Variants in ELOVL5 observed in about 807,000 individuals in gnomAD.
The protein encoded by ELOVL5 is very long chain fatty acid elongase 5.
In ELOVL5, 8 loss-of-function variants were observed where a neutral mutation model predicts 38.6. The observed-to-expected ratio is 0.21, with a 90% CI of 0.12 to 0.37. The LOEUF is 0.37. Among genes scored for constraint, ELOVL5 ranks in the 10% least tolerant of loss-of-function variants. ELOVL5 has a pLI of 1.00. For missense variants in ELOVL5, 280 were observed against 367.8 expected (o/e 0.76, Z 1.95); for synonymous variants, 127 against 133.7 (o/e 0.95, Z 0.34).
chr6:53,312,369 A>G (rs1028193464), intron 1 of ELOVL5, among the ~76,000 whole-genome samples: 3 of 152,252 alleles, frequency 2.0e-5, no homozygotes, highest in African/African-American at 7.2e-5. Context: ...TCAGCAATAA[A>G]GAACAAACCT....
chr6:53,326,715 T>C (rs1469281040), intron 1 of ELOVL5, among the ~76,000 whole-genome samples: 3 of 152,220 alleles, frequency 2.0e-5, no homozygotes, highest in East Asian at 3.8e-4. Flanking sequence ...AGGCGTTATG[T>C]ATCTGTGGGA....
At chr6:53,311,407 G>A (rs1300099828) in intron 1 of ELOVL5, among the ~76,000 whole-genome samples, 1 of 152,154 alleles carries the variant, frequency 6.6e-6, no homozygotes, top group Non-Finnish European at 1.5e-5. Context: ...TACATCTGCT[G>A]TGGAAAATAG....
intron 2 of ELOVL5, among the ~76,000 whole-genome samples, chr6:53,293,111 G>C (rs1766838804): frequency 6.6e-6 from 1 of 152,024 alleles, no homozygotes. Flanking sequence ...TACTCTGGCT[G>C]ACCCCAGGAA....
At chr6:53,317,582 GGAACT>G (rs1441174633) in intron 1 of ELOVL5, among the ~76,000 whole-genome samples, 1 of 152,102 alleles carries the variant, frequency 6.6e-6, no homozygotes, top group Non-Finnish European at 1.5e-5. Context: ...CTCATGGGTG[GGAACT>G]GAACAATGAG....
intron 1 of ELOVL5, among the ~76,000 whole-genome samples, chr6:53,318,603 G>A (rs1385210273): frequency 1.3e-5 from 2 of 152,082 alleles, no homozygotes; most frequent in Non-Finnish European, 2.9e-5. Context: ...AGCTGGGAGT[G>A]GTGGTGCACA....
At chr6:53,313,932 C>A (rs1362377125) in intron 1 of ELOVL5, among the ~76,000 whole-genome samples, 2 of 152,186 alleles carry the variant, frequency 1.3e-5, no homozygotes, top group African/African-American at 2.4e-5. Flanking sequence ...GCTGTTCAAC[C>A]CCCACAGCTC....
Position 53,275,221 on chromosome 6 carries a change from A to C in ELOVL5, c.365T>G (p.Ile122Arg). Reference sequence around the variant, plus strand: ...GAAGAAGAAAGTGTCCATAAATTCTATGAGTTTGGAGAAGTAGTACCACCA... The same window carrying C: ...GAAGAAGAAAGTGTCCATAAATTCTCTGAGTTTGGAGAAGTAGTACCACCA... Reference protein sequence around the residue: ...VLWWYYFSKLIEFMDTFFFIL... With the variant: ...VLWWYYFSKLREFMDTFFFIL... The change falls in exon 5 of 8, where the codon ATA becomes AGA. Residue 122 changes from isoleucine to arginine, a missense_variant. Ile to Arg is a moderately conservative substitution (Grantham distance 97). This residue lies in a region of ELOVL5 where 150 missense variants were observed against 178.0 expected (regional missense o/e 0.84). Coordinates refer to ENST00000304434, the MANE Select transcript of ELOVL5 (RefSeq NM_021814.5). The C allele has an allele frequency of 6.2e-7, 1 of 1,614,196 alleles. No individual in the cohort carries two copies.
At chr6:53,286,548 C>G (rs557750882) in intron 3 of ELOVL5, among the ~76,000 whole-genome samples, 3 of 152,264 alleles carry the variant, frequency 2.0e-5, no homozygotes, top group African/African-American at 7.2e-5. Context: ...GCCGGGGTAA[C>G]AGAGCCGGAC....
intron 4 of ELOVL5, among the ~76,000 whole-genome samples, chr6:53,275,769 C>A (rs944884001): frequency 3.3e-5 from 5 of 152,232 alleles, no homozygotes; most frequent in African/African-American, 1.2e-4. Context: ...ACTGCCCATG[C>A]TGAGCTGCGA....
intron 1 of ELOVL5, among the ~76,000 whole-genome samples, chr6:53,308,900 G>A (rs1767710724): frequency 8.3e-6 from 1 of 119,944 alleles, no homozygotes; most frequent in Non-Finnish European, 1.7e-5. Context: ...GCGGGGGGCG[G>A]GGAGGCAATC....
chr6:53,288,992 G>A (rs774501796), intron 3 of ELOVL5, among the ~76,000 whole-genome samples: 5 of 152,316 alleles, frequency 3.3e-5, no homozygotes, highest in South Asian at 2.1e-4. Flanking sequence ...TTGAGCCCAG[G>A]AGGCGAGAAG....
At chr6:53,319,237 C>T (rs1159083441) in intron 1 of ELOVL5, among the ~76,000 whole-genome samples, 1 of 122,088 alleles carries the variant, frequency 8.2e-6, no homozygotes, top group Non-Finnish European at 1.6e-5. Flanking sequence ...CGCCACTGCA[C>T]TCCAGCCTGG....
At chr6:53,313,211 G>A (rs2075926376) in intron 1 of ELOVL5, among the ~76,000 whole-genome samples, 1 of 152,190 alleles carries the variant, frequency 6.6e-6, no homozygotes, top group African/African-American at 2.4e-5. Flanking sequence ...AATTATAAAT[G>A]CCAAATCTCA....
Position 53,306,228 on chromosome 6 carries a change from AGAGGGGAGAGGGAGAGGGGAGAG to A in ELOVL5, c.-8-10544_-8-10522del, listed in dbSNP as rs1561878408. Among the ~76,000 whole-genome samples, 25 of 22,592 alleles carry A rather than the reference AGAGGGGAGAGGGAGAGGGGAGAG, an allele frequency of 1.1e-3. 1 individual carries two copies. In the African/African-American group the frequency reaches 0.011, roughly 10 times the overall value. The allele number at this position is 22,592 out of a possible 152,430, so 14.8% of individuals were successfully genotyped here. On this transcript the variant is annotated intron_variant, in intron 1 of 7. Transcript: ENST00000304434. ...GGAGAAAGGGGAGAGGGGAGAGGGG[AGAGGGGAGAGGGAGAGGGGAGAG>A]GGGAGAGGGAGAGGGGAGAGGGGAG...
At chr6:53,289,006 T>G (rs1766675664) in intron 3 of ELOVL5, among the ~76,000 whole-genome samples, 1 of 152,118 alleles carries the variant, frequency 6.6e-6, no homozygotes, top group Admixed American at 6.5e-5. Context: ...CGAGAAGCAG[T>G]GAGCACCACT....
chr6:53,268,425 C>CG lies in ELOVL5; in HGVS notation c.*701_*702insC, dbSNP rs1024837403. On this transcript the variant is annotated 3_prime_UTR_variant, in exon 8 of 8. Coordinates refer to ENST00000304434, the MANE Select transcript of ELOVL5 (RefSeq NM_021814.5). ...TCATCACGACTGCTGTAGAGCCCCC[C>CG]CCTTTTTACATTAATAGTGGCACTC... 6.6e-6 allele frequency: 1 copy of CG among 152,208 alleles called. No individual in the cohort carries two copies. The highest frequency in any genetic ancestry group is 2.4e-5 in the African/African-American group (1 of 41,412). 9.4% of individuals were successfully genotyped at this position (152,208 alleles called of 1,614,324 possible).
intron 3 of ELOVL5, 64 bp downstream of exon 3, chr6:53,291,712 C>A: frequency 7.3e-7 from 1 of 1,366,504 alleles, no homozygotes; most frequent in Non-Finnish European, 9.9e-7. Flanking sequence ...TTTAGGAATA[C>A]AATTTAGGAC....
intron 3 of ELOVL5, among the ~76,000 whole-genome samples, chr6:53,282,949 G>C (rs1766416325): frequency 6.6e-6 from 1 of 152,156 alleles, no homozygotes; most frequent in Non-Finnish European, 1.5e-5. Context: ...TTCAAACCCA[G>C]AGCCTGGGGA....
At chr6:53,346,188 T>C (rs1249218511) in intron 1 of ELOVL5, among the ~76,000 whole-genome samples, 1 of 152,182 alleles carries the variant, frequency 6.6e-6, no homozygotes, top group Non-Finnish European at 1.5e-5. Context: ...TGTGTTAGTC[T>C]GCTGAGGATG....
Sources: allele counts gnomAD v4.1 joint callset (sites outside exome capture counted in the v4.1 genomes callset), GRCh38; gene constraint gnomAD v4.1.1; regional missense constraint gnomAD v4.1.1; transcripts MANE v1.5; gene names NCBI Gene and HGNC (gene_info 2026-07-23, HGNC 2026-07-21).